Variants in CHLSN observed in about 807,000 individuals in gnomAD.
The protein encoded by CHLSN is protein cholesin.
At chr7:997,510 C>G in the CHLSN span, 6 of 951,096 alleles carry the variant, frequency 6.3e-6, no homozygotes, top group Non-Finnish European at 8.8e-6. Flanking sequence ...GCTGAAAGCC[C>G]TTGCTCAGCC....
the CHLSN span, among the ~76,000 whole-genome samples, chr7:979,515 GC>G: frequency 6.6e-6 from 1 of 152,090 alleles, no homozygotes; most frequent in Non-Finnish European, 1.5e-5. Context: ...ACTTTGGGTG[GC>G]CACGGTGGGC....
the CHLSN span, among the ~76,000 whole-genome samples, chr7:1,060,854 C>A: frequency 5.8e-4 from 88 of 152,310 alleles, no homozygotes; most frequent in South Asian, 0.012. Context: ...TCCATGCCTG[C>A]GCGGAAACCC....
chr7:1,088,883 G>T, the CHLSN span, among the ~76,000 whole-genome samples: 20 of 152,044 alleles, frequency 1.3e-4, no homozygotes, highest in African/African-American at 4.8e-4. The surrounding 1 kb of genome is among the most constrained non-coding windows in gnomAD (Gnocchi z 4.5). Flanking sequence ...GACCACATCA[G>T]ACACTAGGAC....
At chr7:1,049,033 G>A in the CHLSN span, among the ~76,000 whole-genome samples, 1 of 151,954 alleles carries the variant, frequency 6.6e-6, no homozygotes, top group Non-Finnish European at 1.5e-5. Flanking sequence ...GCGCTCCCCA[G>A]GCCTCCGCTG....
the CHLSN span, among the ~76,000 whole-genome samples, chr7:1,087,479 T>TA: frequency 2.0e-5 from 3 of 152,250 alleles, no homozygotes; most frequent in Admixed American, 2.0e-4. Context: ...GGCAACTTTA[T>TA]AAAAACACTT....
chr7:987,910 T>C, the CHLSN span, among the ~76,000 whole-genome samples: 4 of 142,356 alleles, frequency 2.8e-5, no homozygotes, highest in Non-Finnish European at 4.5e-5. Flanking sequence ...CCTCTGTGTG[T>C]CCTGGGGATC....
chr7:982,287 G>A, the CHLSN span, among the ~76,000 whole-genome samples: 2 of 152,234 alleles, frequency 1.3e-5, no homozygotes, highest in African/African-American at 4.8e-5. Context: ...GGAGGGGTGA[G>A]GGCCTCAGGC....
chr7:1,117,401 G>GGAT, the CHLSN span, among the ~76,000 whole-genome samples: 1,702 of 80,888 alleles, frequency 0.021, 104 homozygotes, highest in African/African-American at 0.029. Flanking sequence ...CGCCCACGCA[G>GGAT]GATGACATCA....
the CHLSN span, among the ~76,000 whole-genome samples, chr7:1,111,528 G>C: frequency 2.0e-5 from 3 of 152,370 alleles, no homozygotes; most frequent in East Asian, 5.8e-4. Context: ...GGCCAGGTGA[G>C]GTGGCTCATC....
chr7:1,049,337 G>A, the CHLSN span, among the ~76,000 whole-genome samples: 1 of 152,240 alleles, frequency 6.6e-6, no homozygotes. Context: ...TGGTAACAGG[G>A]AGCAAGTGCC....
the CHLSN span, among the ~76,000 whole-genome samples, chr7:1,079,900 C>T: frequency 6.6e-6 from 1 of 152,268 alleles, no homozygotes; most frequent in Non-Finnish European, 1.5e-5. Context: ...CAAGAACACA[C>T]AATTCTCAAG....
At chr7:1,102,568 G>GT in the CHLSN span, among the ~76,000 whole-genome samples, 389 of 146,812 alleles carry the variant, frequency 2.6e-3, 7 homozygotes, top group Admixed American at 0.022. Flanking sequence ...CCATTCACCT[G>GT]TTTTTAAAAT....
the CHLSN span, among the ~76,000 whole-genome samples, chr7:1,110,559 G>C: frequency 6.6e-6 from 1 of 152,240 alleles, no homozygotes; most frequent in Non-Finnish European, 1.5e-5. Flanking sequence ...AGCGGGAGCG[G>C]GTGTCGGGGG....
At chr7:1,125,722 G>A in the CHLSN span, among the ~76,000 whole-genome samples, 1 of 152,234 alleles carries the variant, frequency 6.6e-6, no homozygotes, top group African/African-American at 2.4e-5. Flanking sequence ...GCTTTCTCTC[G>A]AGCAATGACA....
At chr7:997,513 G>T in the CHLSN span, 3 of 962,604 alleles carry the variant, frequency 3.1e-6, no homozygotes, top group African/African-American at 1.7e-5. Context: ...GAAAGCCCTT[G>T]CTCAGCCGCT....
the CHLSN span, among the ~76,000 whole-genome samples, chr7:1,077,087 C>T: frequency 6.6e-6 from 1 of 152,260 alleles, no homozygotes; most frequent in Admixed American, 6.5e-5. Flanking sequence ...CCGAGGAAGG[C>T]GCTCTTGGGC....
At chr7:1,053,744 T>G in the CHLSN span, among the ~76,000 whole-genome samples, 1 of 152,150 alleles carries the variant, frequency 6.6e-6, no homozygotes, top group African/African-American at 2.4e-5. Flanking sequence ...GGAGAATCGC[T>G]TGAACCCGGG....
the CHLSN span, among the ~76,000 whole-genome samples, chr7:1,111,649 A>G: frequency 6.6e-6 from 1 of 152,154 alleles, no homozygotes; most frequent in Non-Finnish European, 1.5e-5. Context: ...AAAATACAAA[A>G]TTTAGCTGGG....
At chr7:1,075,914 TA>T in the CHLSN span, 74 of 144,698 alleles carry the variant, frequency 5.1e-4, no homozygotes, top group Middle Eastern at 3.5e-3. Context: ...TCACATTTAT[TA>T]AAAAAAAAAA....
Sources: gnomAD v4.1 joint callset for allele counts (sites outside exome capture counted in the v4.1 genomes callset) on GRCh38, gnomAD v4.1.1 for gene constraint, Gnocchi (gnomAD v3.1) non-coding constraint, MANE v1.5 for transcripts, NCBI Gene and HGNC (gene_info 2026-07-23, HGNC 2026-07-21) for gene names.